Variants in PPP1R12B observed in about 807,000 individuals in gnomAD.
PPP1R12B encodes myosin phosphatase target subunit 2.
Under a neutral mutation model 126.1 loss-of-function variants are expected in PPP1R12B, and 76 were observed. The observed-to-expected ratio is 0.60, with a 90% CI of 0.50 to 0.73. PPP1R12B has a LOEUF of 0.73. PPP1R12B is among the 30% of genes least tolerant of loss of function. PPP1R12B has a pLI of 0.00. For missense variants in PPP1R12B, 1,052 were observed against 1,205.1 expected, an observed-to-expected ratio of 0.87 and a Z score of 1.88; for synonymous variants, 356 against 434.7, an observed-to-expected ratio of 0.82 and a Z score of 2.25.
At chr1:202,446,250 A>ATTTT (rs1219174832) in intron 12 of PPP1R12B, among the ~76,000 whole-genome samples, 7 of 61,606 alleles carry the variant, frequency 1.1e-4, no homozygotes, top group African/African-American at 6.3e-4. Context: ...ATATATATAT[A>ATTTT]TATATATTTT....
intron 18 of PPP1R12B, among the ~76,000 whole-genome samples, chr1:202,507,402 G>C (rs1680927832): frequency 6.6e-6 from 1 of 151,992 alleles, no homozygotes; most frequent in South Asian, 2.1e-4. Flanking sequence ...AATGATTTTA[G>C]TTTTATATCA....
At position 202,535,055 on chromosome 1, in the gene PPP1R12B, ATG is replaced by A. The variant is rs145949486; in HGVS notation, c.2491-23796_2491-23795del. ...GATGGATGATTATGTGTGTGTGTGTATGTGTGTGTGTGTGTGTGTGTGTGTGT... is the reference window on the plus strand; with the variant it reads ...GATGGATGATTATGTGTGTGTGTGTATGTGTGTGTGTGTGTGTGTGTGTGT... On this transcript the variant is annotated intron_variant, in intron 18 of 23. Transcript: ENST00000608999. Among the ~76,000 whole-genome samples the A allele has an allele frequency of 4.7e-3, 681 of 145,270 alleles. 1 individual carries two copies. The highest frequency in any genetic ancestry group is 0.021 in the Middle Eastern group (6 of 288).
intron 21 of PPP1R12B, chr1:202,567,380 C>CTTTTTTTTTTTTTTTT (rs35011066): frequency 1.4e-5 from 2 of 147,814 alleles, no homozygotes; most frequent in South Asian, 2.1e-4. Flanking sequence ...AAAGAAAAGC[C>CTTTTTTTTTTTTTTTT]TTTTTTTTTT....
At chr1:202,432,049 A>C (rs930656503) in intron 8 of PPP1R12B, among the ~76,000 whole-genome samples, 4 of 152,192 alleles carry the variant, frequency 2.6e-5, no homozygotes, top group Admixed American at 1.3e-4. Flanking sequence ...CCAAATTCCA[A>C]AATGTCGGTA....
At chr1:202,579,846 G>A (rs566213423) in intron 23 of PPP1R12B, among the ~76,000 whole-genome samples, 47 of 152,290 alleles carry the variant, frequency 3.1e-4, no homozygotes, top group Non-Finnish European at 5.6e-4. Context: ...ACAGCTCTGT[G>A]AGTGTAAGTT....
intron 13 of PPP1R12B, chr1:202,472,187 T>G (rs1676021018): frequency 1.5e-6 from 1 of 659,420 alleles, no homozygotes; most frequent in Non-Finnish European, 2.5e-6. Flanking sequence ...ATGAATATTT[T>G]GGAACTTACA....
chr1:202,540,290 G>C (rs1334061063), intron 18 of PPP1R12B: 1 of 1,433,816 alleles, frequency 7.0e-7, no homozygotes, highest in Admixed American at 1.8e-5. Flanking sequence ...GTCAAAGGTA[G>C]AGAATGTGTA....
At chr1:202,489,922 A>G (rs1488108625) in intron 14 of PPP1R12B, among the ~76,000 whole-genome samples, 5 of 152,374 alleles carry the variant, frequency 3.3e-5, no homozygotes, top group Admixed American at 3.3e-4. Flanking sequence ...GGTATAGTCT[A>G]CATTATATGT....
Position 202,493,125 on chromosome 1 carries a change from A to G in PPP1R12B, c.1953A>G (p.Leu651=), listed in dbSNP as rs746196914. The G allele has an allele frequency of 5.6e-6, 9 of 1,611,970 alleles. No homozygotes were observed. Among genetic ancestry groups the G allele is most frequent in the Non-Finnish European group, 7.6e-6 (9 of 1,179,790 alleles). The part of the protein sequence containing the change: ...QTRRSTQGVT[L]TDLQEAERTF... ...TGATATTTTCCCAGGGTGTCACCCT[A>G]ACAGACCTTCAAGAAGCAGAAAGGA... The change falls in exon 15 of 24, where the codon CTA becomes CTG. Residue 651 remains leucine (L), a synonymous_variant. Coordinates refer to ENST00000608999, the MANE Select transcript of PPP1R12B (RefSeq NM_002481.4).
chr1:202,392,490 G>A (rs1296397391), intron 1 of PPP1R12B, among the ~76,000 whole-genome samples: 4 of 151,816 alleles, frequency 2.6e-5, no homozygotes, highest in Non-Finnish European at 5.9e-5. Flanking sequence ...AGAGGTTGAG[G>A]AGCAATAGCT....
chr1:202,557,791 A>G (rs1328928208), intron 18 of PPP1R12B, among the ~76,000 whole-genome samples: 1 of 152,238 alleles, frequency 6.6e-6, no homozygotes, highest in African/African-American at 2.4e-5. Flanking sequence ...GAGAGATTCT[A>G]TGAGGAAATG....
At chr1:202,471,356 T>C (rs113160045) in intron 13 of PPP1R12B, among the ~76,000 whole-genome samples, 2 of 152,058 alleles carry the variant, frequency 1.3e-5, no homozygotes, top group African/African-American at 2.4e-5. Flanking sequence ...TTTTTTTTTT[T>C]TCTTCCCCTA....
chr1:202,394,157 C>T (rs983219965), intron 1 of PPP1R12B, among the ~76,000 whole-genome samples: 6 of 151,382 alleles, frequency 4.0e-5, no homozygotes, highest in African/African-American at 1.5e-4. Flanking sequence ...GCTAACATGG[C>T]GAAACCCCAT....
chr1:202,456,414 A>G (rs57315445), intron 13 of PPP1R12B, among the ~76,000 whole-genome samples: 1 of 152,312 alleles, frequency 6.6e-6, no homozygotes, highest in East Asian at 1.9e-4. Flanking sequence ...ATTCAGAAGA[A>G]TAATAGGGAA....
intron 1 of PPP1R12B, among the ~76,000 whole-genome samples, chr1:202,400,204 A>G (rs754984769): frequency 6.6e-6 from 1 of 152,178 alleles, no homozygotes; most frequent in Non-Finnish European, 1.5e-5. Context: ...GTTCCTTTTT[A>G]TGGCACATAA....
intron 13 of PPP1R12B, among the ~76,000 whole-genome samples, chr1:202,483,211 G>A (rs1677633032): frequency 6.8e-6 from 1 of 147,304 alleles, no homozygotes; most frequent in South Asian, 2.1e-4. Context: ...AATTGCTTTG[G>A]CTATTCATTT....
rs1246662644 is a variant in PPP1R12B at position 202,590,553 on chromosome 1, C to G, written c.*9993C>G. 6.6e-6 allele frequency: 1 copy of G among 151,920 alleles called. No individual in the cohort carries two copies. Among genetic ancestry groups the G allele is most frequent in the Non-Finnish European group, 1.5e-5 (1 of 68,080 alleles). 9.4% of individuals were successfully genotyped at this position (151,920 alleles called of 1,614,324 possible). On this transcript the variant is annotated 3_prime_UTR_variant, in exon 24 of 24. Coordinates refer to ENST00000608999, the MANE Select transcript of PPP1R12B (RefSeq NM_002481.4). ...GCAGCTCCCACTCCCTCACCCCCAC[C>G]TCAGCGCAGCAAAAACAACCAGAGA... is the stretch of plus-strand genomic sequence containing the variant.
At chr1:202,485,329 G>C (rs1677945898) in intron 13 of PPP1R12B, among the ~76,000 whole-genome samples, 1 of 149,742 alleles carries the variant, frequency 6.7e-6, no homozygotes, top group South Asian at 2.1e-4. Context: ...GTCCATTCCT[G>C]TACTGGACTA....
chr1:202,481,565 G>A (rs1403269196), intron 13 of PPP1R12B, among the ~76,000 whole-genome samples: 2 of 151,894 alleles, frequency 1.3e-5, no homozygotes, highest in African/African-American at 2.4e-5. Flanking sequence ...ATGTTAAAAT[G>A]TATTAGGGCT....
Sources: gnomAD v4.1 joint callset for allele counts (sites outside exome capture counted in the v4.1 genomes callset) on GRCh38, gnomAD v4.1.1 for gene constraint, MANE v1.5 for transcripts, NCBI Gene and HGNC (gene_info 2026-07-23, HGNC 2026-07-21) for gene names.